Variants in CRIM1 observed in about 807,000 individuals in gnomAD.
The protein encoded by CRIM1 is cysteine-rich motor neuron 1 protein.
In CRIM1, 32 loss-of-function variants were observed where a neutral mutation model predicts 116.4. The observed-to-expected ratio is 0.27, with a 90% CI of 0.21 to 0.37. The LOEUF (loss-of-function observed/expected upper bound fraction) is 0.37, where lower values mean the gene tolerates loss of function less well. Among genes scored for constraint, CRIM1 ranks in the 10% least tolerant of loss-of-function variants. The pLI is 1.00. For synonymous variants in CRIM1, 590 were observed against 509.2 expected (o/e 1.16, Z -2.13); for missense variants, 1,331 against 1,354.8 (o/e 0.98, Z 0.28).
intron 13 of CRIM1, among the ~76,000 whole-genome samples, chr2:36,534,083 G>A (rs930999490): frequency 1.4e-5 from 2 of 142,702 alleles, no homozygotes; most frequent in African/African-American, 5.3e-5. Flanking sequence ...GTGGGAAGGA[G>A]AGAGGGGAAA....
chr2:36,512,398 AGT>A lies in CRIM1; in HGVS notation c.1780+9_1780+10del, dbSNP rs753729218. 3 of 1,610,578 alleles carry A rather than the reference AGT, an allele frequency of 1.9e-6. No homozygotes were observed. In the East Asian group the frequency reaches 6.7e-5, roughly 36 times the overall value. ...TGTCTTATCTGCAAGTGCAGAGGTA[AGT>A]GTGTACACATGGCCCTTCCCCCTCA... On this transcript the variant is annotated splice_donor_5th_base_variant and intron_variant, in intron 10 of 16. Coordinates refer to ENST00000280527, the MANE Select transcript of CRIM1 (RefSeq NM_016441.3).
chr2:36,531,206 G>A (rs1452794842), intron 13 of CRIM1, among the ~76,000 whole-genome samples: 2 of 152,170 alleles, frequency 1.3e-5, no homozygotes, highest in Non-Finnish European at 2.9e-5. Flanking sequence ...CCTCCCAGGA[G>A]GTTACTCCCA....
At chr2:36,427,898 T>G (rs910702442) in intron 2 of CRIM1, among the ~76,000 whole-genome samples, 16 of 152,222 alleles carry the variant, frequency 1.1e-4, no homozygotes, top group Non-Finnish European at 1.9e-4. Flanking sequence ...TGTGGCTGGG[T>G]AGCCTATCAG....
intron 4 of CRIM1, among the ~76,000 whole-genome samples, chr2:36,464,233 G>A (rs1488170873): frequency 1.3e-5 from 2 of 152,192 alleles, no homozygotes; most frequent in Non-Finnish European, 2.9e-5. Flanking sequence ...GAAAATGTTT[G>A]TTACGCTCAA....
chr2:36,445,708 G>C (rs865912406), intron 4 of CRIM1, among the ~76,000 whole-genome samples: 5 of 151,936 alleles, frequency 3.3e-5, no homozygotes. Context: ...GTGGATTCCT[G>C]CTTACTAAGG....
chr2:36,485,070 A>G (rs745907558), intron 7 of CRIM1, among the ~76,000 whole-genome samples: 1 of 152,242 alleles, frequency 6.6e-6, no homozygotes, highest in African/African-American at 2.4e-5. Flanking sequence ...ATTTGCAGAC[A>G]TATTATCAGA....
chr2:36,482,702 C>T (rs887097268), intron 7 of CRIM1, among the ~76,000 whole-genome samples: 6 of 152,188 alleles, frequency 3.9e-5, no homozygotes, highest in Admixed American at 6.5e-5. Context: ...TGCACAGTTG[C>T]GTAACCAGTG....
rs1668838344 is a variant in CRIM1, at chr2:36,356,736, G to A, written c.331+113G>A. 4 of 1,074,488 alleles carry A rather than the reference G, an allele frequency of 3.7e-6. No individual in the cohort carries two copies. The highest frequency in any genetic ancestry group is 5.2e-6 in the Non-Finnish European group (4 of 765,476). The allele number at this position is 1,074,488 out of a possible 1,614,324, so 66.6% of individuals were successfully genotyped here. On this transcript the variant is annotated intron_variant, in intron 1 of 16. Coordinates refer to ENST00000280527, the MANE Select transcript of CRIM1 (RefSeq NM_016441.3). The surrounding 1 kb of genome is among the most constrained non-coding windows in gnomAD (Gnocchi z 4.3). ...TTCTGGAGGAAAGAGGGCTCTGCGGGAAGAGGGGCGGCCGCCGCCCCCAGG... is the reference window on the plus strand; with the variant it reads ...TTCTGGAGGAAAGAGGGCTCTGCGGAAAGAGGGGCGGCCGCCGCCCCCAGG...
intron 2 of CRIM1, 58 bp from the exon 3 acceptor site, chr2:36,441,200 T>C: frequency 6.2e-7 from 1 of 1,604,884 alleles, no homozygotes; most frequent in Admixed American, 1.7e-5. Context: ...TTTGTTCTTC[T>C]GTTGAAAGTG....
intron 2 of CRIM1, among the ~76,000 whole-genome samples, chr2:36,418,558 A>T (rs1357746880): frequency 6.6e-6 from 1 of 152,182 alleles, no homozygotes; most frequent in East Asian, 1.9e-4. Context: ...AAGTGCTGGC[A>T]TTACAGGGGT....
intron 1 of CRIM1, among the ~76,000 whole-genome samples, chr2:36,361,610 C>G (rs1669229017): frequency 6.6e-6 from 1 of 152,164 alleles, no homozygotes; most frequent in Non-Finnish European, 1.5e-5. Flanking sequence ...AGTATATCAT[C>G]CTTTGAAGAA....
chr2:36,444,119 A>G (rs1676067792), intron 4 of CRIM1, among the ~76,000 whole-genome samples: 1 of 152,234 alleles, frequency 6.6e-6, no homozygotes, highest in East Asian at 1.9e-4. Flanking sequence ...GGAGAACCTA[A>G]TTAATCAAAA....
At chr2:36,439,006 C>CTGTTT (rs1572731704) in intron 2 of CRIM1, among the ~76,000 whole-genome samples, 1 of 152,170 alleles carries the variant, frequency 6.6e-6, no homozygotes, top group East Asian at 1.9e-4. Flanking sequence ...AGGACAGAGG[C>CTGTTT]TGTTTTATTT....
chr2:36,418,784 T>C (rs1436239934), intron 2 of CRIM1, among the ~76,000 whole-genome samples: 1 of 152,200 alleles, frequency 6.6e-6, no homozygotes, highest in Non-Finnish European at 1.5e-5. Context: ...ATCAAAAGTT[T>C]TGTTTCCACT....
rs182159548 is a variant in CRIM1, at chr2:36,483,747, G to A, written c.1372+4053G>A. ...TTTAAATGAGTAAATAATAAGTGAG[G>A]ACAGTGAGGAGGAAAGAAAGACTGG... On this transcript the variant is annotated intron_variant, in intron 7 of 16. Transcript: ENST00000280527. Among the ~76,000 whole-genome samples, 380 of 152,260 alleles carry A rather than the reference G, an allele frequency of 2.5e-3. 1 individual carries two copies. The highest frequency in any genetic ancestry group is 6.8e-3 in the Middle Eastern group (2 of 294).
At chr2:36,522,577 G>A (rs1450642818) in intron 13 of CRIM1, among the ~76,000 whole-genome samples, 3 of 151,968 alleles carry the variant, frequency 2.0e-5, no homozygotes, top group Non-Finnish European at 2.9e-5. Flanking sequence ...CGAGGCAGAC[G>A]GATCACTTGA....
intron 16 of CRIM1, among the ~76,000 whole-genome samples, 186 bp downstream of exon 16, chr2:36,547,357 C>G (rs769454002): frequency 1.3e-5 from 2 of 152,156 alleles, no homozygotes; most frequent in African/African-American, 4.8e-5. Flanking sequence ...GGACTGATCA[C>G]AAGGTGAATT....
intron 7 of CRIM1, among the ~76,000 whole-genome samples, chr2:36,486,850 C>T (rs1018413453): frequency 6.6e-6 from 1 of 152,026 alleles, no homozygotes; most frequent in Non-Finnish European, 1.5e-5. Context: ...AATGTTTTTC[C>T]AACAAGCTTA....
In CRIM1 at chr2:36,517,558, C is replaced by G. The variant is rs1158066369; in HGVS notation, c.2206+16C>G. 6.2e-7 allele frequency: 1 copy of G among 1,600,112 alleles called. No homozygotes were observed. Among genetic ancestry groups the G allele is most frequent in the South Asian group, 1.1e-5 (1 of 90,776 alleles). On this transcript the variant is annotated intron_variant, in intron 12 of 16. Transcript: ENST00000280527. ...CAGTGTACAGGTAAGCGACACCATG[C>G]CTTGTGGGTGCTTGGTGGGGAAGGA...
Sources: allele counts gnomAD v4.1 joint callset (sites outside exome capture counted in the v4.1 genomes callset), GRCh38; gene constraint gnomAD v4.1.1; non-coding constraint Gnocchi (gnomAD v3.1); transcripts MANE v1.5; gene names NCBI Gene and HGNC (gene_info 2026-07-23, HGNC 2026-07-21).